The following KCNN2 variants were observed in gnomAD, a reference collection of about 807,000 sequenced individuals.
KCNN2 encodes the protein small conductance calcium-activated potassium channel protein 2.
Under a neutral mutation model 55.5 loss-of-function variants are expected in KCNN2, and 24 were observed. That is an observed-to-expected ratio of 0.43 (90% CI 0.31 to 0.61). The LOEUF is 0.61. Ranked by LOEUF, KCNN2 falls within the 20% of genes least tolerant of loss-of-function variation. The pLI is 0.08. For synonymous variants in KCNN2, 431 were observed against 336.1 expected (o/e 1.28, Z -3.09); for missense variants, 754 against 853.6 (o/e 0.88, Z 1.45).
rs1475351111 is a variant in KCNN2, at chr5:114,203,742, T to C, written c.-270-17738T>C. On this transcript the variant is annotated intron_variant, in intron 1 of 10. Transcript: ENST00000512097. ...GGCAGAGAAAAGGCCATAAGAACAGTGGAGGAAGAGCATGGACTCAGACTT... is the reference window on the plus strand; with the variant it reads ...GGCAGAGAAAAGGCCATAAGAACAGCGGAGGAAGAGCATGGACTCAGACTT... 2.0e-5 allele frequency among the ~76,000 whole-genome samples: 3 copies of C among 152,314 alleles called. No homozygotes were observed. In the East Asian group the frequency reaches 5.8e-4, roughly 29 times the overall value.
chr5:114,173,223 A>T (rs1337383640), intron 1 of KCNN2, among the ~76,000 whole-genome samples: 2 of 151,994 alleles, frequency 1.3e-5, no homozygotes, highest in Non-Finnish European at 2.9e-5. Flanking sequence ...CACCTTTGTA[A>T]AAAATGAGTT....
chr5:114,247,850 G>A (rs1230021715), intron 2 of KCNN2, among the ~76,000 whole-genome samples: 1 of 152,064 alleles, frequency 6.6e-6, no homozygotes, highest in Non-Finnish European at 1.5e-5. Flanking sequence ...GTCTTAGGTG[G>A]GTTTCTGGAT....
chr5:114,484,206 C>T (rs1312749048), intron 5 of KCNN2, among the ~76,000 whole-genome samples: 1 of 151,910 alleles, frequency 6.6e-6, no homozygotes, highest in Non-Finnish European at 1.5e-5. Flanking sequence ...GTGATATGAC[C>T]CCTGAGAGTT....
At chr5:114,271,677 A>G (rs1421293672) in intron 2 of KCNN2, among the ~76,000 whole-genome samples, 3 of 152,158 alleles carry the variant, frequency 2.0e-5, no homozygotes, top group African/African-American at 4.8e-5. Flanking sequence ...TTTACTCACT[A>G]TATTCTTCCT....
intron 1 of KCNN2, among the ~76,000 whole-genome samples, chr5:114,186,667 A>G (rs1346566542): frequency 1.3e-5 from 2 of 152,204 alleles, no homozygotes; most frequent in Admixed American, 1.3e-4. Context: ...TTTTGACAGC[A>G]TAAGTGAAAT....
chr5:114,130,050 C>T (rs1410097312), intron 1 of KCNN2, among the ~76,000 whole-genome samples: 1 of 152,166 alleles, frequency 6.6e-6, no homozygotes, highest in Non-Finnish European at 1.5e-5. Flanking sequence ...TAAGACATAA[C>T]CTCATCCTAT....
Position 114,165,763 on chromosome 5 carries a change from C to T in KCNN2, c.-270-55717C>T, listed in dbSNP as rs145978869. Among the ~76,000 whole-genome samples, 41 of 152,222 alleles carry T rather than the reference C, an allele frequency of 2.7e-4. 1 individual carries two copies. Among genetic ancestry groups the T allele is most frequent in the African/African-American group, 9.4e-4 (39 of 41,546 alleles). Reference sequence around the variant, plus strand: ...TAGTATAATAATATAATACATGTAACATACAAAATATGTATTATTTTACTG... The same window carrying T: ...TAGTATAATAATATAATACATGTAATATACAAAATATGTATTATTTTACTG... On this transcript the variant is annotated intron_variant, in intron 1 of 10. Coordinates refer to the KCNN2 transcript ENST00000512097.
At chr5:114,315,421 CTGTG>C (rs34000645) in intron 2 of KCNN2, among the ~76,000 whole-genome samples, 11,524 of 142,676 alleles carry the variant, frequency 0.081, 488 homozygotes, top group South Asian at 0.13. Flanking sequence ...AAGGCAGAAA[CTGTG>C]TGTGTGTGTG....
intron 2 of KCNN2, among the ~76,000 whole-genome samples, chr5:114,268,054 T>G (rs1050081766): frequency 1.3e-5 from 2 of 152,174 alleles, no homozygotes; most frequent in African/African-American, 4.8e-5. Flanking sequence ...CACTTCCCAC[T>G]TGATGCTTCC....
intron 1 of KCNN2, among the ~76,000 whole-genome samples, chr5:114,101,578 C>A (rs529310131): frequency 6.6e-6 from 1 of 151,844 alleles, no homozygotes; most frequent in East Asian, 1.9e-4. Context: ...AATGCTGTCC[C>A]TCCCCTTACC....
chr5:114,085,053 C>CATATATATAT (rs57320559), intron 1 of KCNN2, among the ~76,000 whole-genome samples: 4 of 149,896 alleles, frequency 2.7e-5, no homozygotes, highest in African/African-American at 7.4e-5. Flanking sequence ...TATATAGAGA[C>CATATATATAT]ATATATATAT....
intron 2 of KCNN2, among the ~76,000 whole-genome samples, chr5:114,344,661 T>C (rs1365077447): frequency 6.6e-6 from 1 of 152,196 alleles, no homozygotes; most frequent in South Asian, 2.1e-4. Context: ...CTATAAGGTA[T>C]GGTCTGAGGA....
intron 1 of KCNN2, among the ~76,000 whole-genome samples, chr5:114,102,145 T>C (rs1049007551): frequency 6.6e-6 from 1 of 152,226 alleles, no homozygotes; most frequent in Non-Finnish European, 1.5e-5. Context: ...TGAGATGATA[T>C]CTCATTGTGA....
intron 1 of KCNN2, among the ~76,000 whole-genome samples, chr5:114,173,050 G>T (rs1176372429): frequency 2.0e-5 from 3 of 151,814 alleles, no homozygotes; most frequent in Non-Finnish European, 4.4e-5. Context: ...TTTCTTTCAG[G>T]AGTTTTGTAG....
At chr5:114,223,670 C>T (rs1016378169) in intron 2 of KCNN2, among the ~76,000 whole-genome samples, 2 of 152,092 alleles carry the variant, frequency 1.3e-5, no homozygotes, top group African/African-American at 2.4e-5. Flanking sequence ...AAAAAGACAA[C>T]ACTACATTTT....
chr5:114,242,930 A>C (rs1402592741), intron 2 of KCNN2, among the ~76,000 whole-genome samples: 3 of 152,194 alleles, frequency 2.0e-5, no homozygotes, highest in African/African-American at 7.2e-5. Flanking sequence ...TCATTCATTC[A>C]TCTATTTATT....
At chr5:114,326,602 C>G (rs1304972242) in intron 2 of KCNN2, among the ~76,000 whole-genome samples, 12 of 152,146 alleles carry the variant, frequency 7.9e-5, no homozygotes. Context: ...CCAAACCTTG[C>G]CACACCATGG....
intron 2 of KCNN2, among the ~76,000 whole-genome samples, chr5:114,283,586 C>G (rs1755670075): frequency 6.6e-6 from 1 of 152,036 alleles, no homozygotes; most frequent in South Asian, 2.1e-4. Flanking sequence ...TTGTATGTCT[C>G]TTATTGTCCT....
chr5:114,361,451 C>CGCG (rs1757419422), upstream of KCNN2, among the ~76,000 whole-genome samples: 1 of 152,232 alleles, frequency 6.6e-6, no homozygotes, highest in African/African-American at 2.4e-5. Context: ...CACGCTGCTG[C>CGCG]ACTGGCGCAG....
Sources: allele counts gnomAD v4.1 joint callset (sites outside exome capture counted in the v4.1 genomes callset), GRCh38; gene constraint gnomAD v4.1.1; transcripts MANE v1.5; gene names NCBI Gene and HGNC (gene_info 2026-07-23, HGNC 2026-07-21).